TNNI3K: variants seen among roughly 807,000 people sequenced by gnomAD.
The protein encoded by TNNI3K is serine/threonine-protein kinase TNNI3K.
A neutral mutation model predicts 114.5 loss-of-function variants in TNNI3K; 140 were observed. That is an observed-to-expected ratio of 1.22 (90% CI 1.07 to 1.41). The LOEUF (loss-of-function observed/expected upper bound fraction) is 1.41, where lower values mean the gene tolerates loss of function less well. Ranked by LOEUF, TNNI3K falls within the 40% of genes most tolerant of loss-of-function variation. The probability of loss-of-function intolerance (pLI) is 0.00; values close to 1 mark genes in which losing one functional copy is unlikely to be tolerated. For synonymous variants in TNNI3K, 347 were observed against 347.5 expected, an observed-to-expected ratio of 1.00 and a Z score of 0.02; for missense variants, 1,125 against 1,007.6, an observed-to-expected ratio of 1.12 and a Z score of -1.58.
At chr1:74,422,795 A>G (rs755792151) in intron 17 of TNNI3K, among the ~76,000 whole-genome samples, 5 of 152,144 alleles carry the variant, frequency 3.3e-5, no homozygotes, top group Non-Finnish European at 5.9e-5. Context: ...TAGGAACAAA[A>G]TGTTCTTCAG....
At chr1:74,364,266 A>G (rs1445245807) in intron 11 of TNNI3K, among the ~76,000 whole-genome samples, 1 of 151,764 alleles carries the variant, frequency 6.6e-6, no homozygotes, top group African/African-American at 2.4e-5. Context: ...CAGCCCCACA[A>G]AACACTGGGG....
At chr1:74,518,641 G>C (rs1646382985) in intron 23 of TNNI3K, among the ~76,000 whole-genome samples, 1 of 152,092 alleles carries the variant, frequency 6.6e-6, no homozygotes, top group African/African-American at 2.4e-5. Flanking sequence ...CAGTGCAGAG[G>C]CTTCATAATG....
Position 74,436,143 on chromosome 1 carries a change from C to A in TNNI3K, c.1825+11C>A. 2 of 1,610,860 alleles carry A rather than the reference C, an allele frequency of 1.2e-6. No individual in the cohort carries two copies. Among genetic ancestry groups the A allele is most frequent in the Non-Finnish European group, 1.7e-6 (2 of 1,178,662 alleles). On this transcript the variant is annotated intron_variant, in intron 18 of 24. Coordinates refer to ENST00000326637, the MANE Select transcript of TNNI3K (RefSeq NM_015978.3). ...TGGCAGATTTTGGAGGTGAGATACC[C>A]CAAAATGGCATCCTTTTTTTCTTTG...
chr1:74,417,408 T>C (rs1044973110), intron 17 of TNNI3K, among the ~76,000 whole-genome samples: 10 of 152,118 alleles, frequency 6.6e-5, no homozygotes, highest in Non-Finnish European at 2.9e-5. Context: ...CAGATGACTT[T>C]GGCTCAAGAC....
intron 20 of TNNI3K, among the ~76,000 whole-genome samples, chr1:74,462,066 G>A (rs1399596561): frequency 1.3e-5 from 2 of 152,144 alleles, no homozygotes; most frequent in South Asian, 2.1e-4. Flanking sequence ...AGAAATATGT[G>A]AAATATTTTA....
intron 5 of TNNI3K, among the ~76,000 whole-genome samples, chr1:74,276,694 A>G (rs1009818382): frequency 6.6e-6 from 1 of 152,094 alleles, no homozygotes. Context: ...ACAATAGCTG[A>G]TGCTAAGTCT....
At chr1:74,280,325 T>C (rs1656932896) in intron 5 of TNNI3K, among the ~76,000 whole-genome samples, 1 of 151,124 alleles carries the variant, frequency 6.6e-6, no homozygotes, top group Non-Finnish European at 1.5e-5. Context: ...GAGCTTGCAG[T>C]GAGCAGAGAT....
intron 23 of TNNI3K, among the ~76,000 whole-genome samples, chr1:74,500,315 A>G (rs1208406977): frequency 6.6e-6 from 1 of 151,852 alleles, no homozygotes; most frequent in African/African-American, 2.4e-5. Context: ...TTCTAGTATC[A>G]TTTTTCTTTT....
At chr1:74,279,677 G>A (rs568191438) in intron 5 of TNNI3K, among the ~76,000 whole-genome samples, 30 of 152,276 alleles carry the variant, frequency 2.0e-4, no homozygotes, top group African/African-American at 7.0e-4. Context: ...ACTGATTTAA[G>A]TGCTTTAGTA....
chr1:74,475,350 A>G, intron 21 of TNNI3K: 1 of 714,070 alleles, frequency 1.4e-6, no homozygotes. Context: ...CTCCAGGCTC[A>G]AGATTCCATA....
chr1:74,452,833 C>A (rs1667083338), intron 20 of TNNI3K, among the ~76,000 whole-genome samples: 1 of 152,188 alleles, frequency 6.6e-6, no homozygotes, highest in Non-Finnish European at 1.5e-5. Flanking sequence ...TCATCCCAAC[C>A]ACAGGAAACT....
chr1:74,394,639 A>G (rs1346043283), intron 17 of TNNI3K, among the ~76,000 whole-genome samples: 1 of 152,218 alleles, frequency 6.6e-6, no homozygotes, highest in Non-Finnish European at 1.5e-5. Flanking sequence ...TGTCTGTTCT[A>G]TTCAGCCTGC....
At chr1:74,296,143 G>A (rs1416171218) in intron 5 of TNNI3K, among the ~76,000 whole-genome samples, 3 of 151,974 alleles carry the variant, frequency 2.0e-5, no homozygotes, top group Non-Finnish European at 2.9e-5. Flanking sequence ...GGGCGAGGCG[G>A]CGGGCGCCTG....
chr1:74,397,861 T>G (rs1664165568), intron 17 of TNNI3K, among the ~76,000 whole-genome samples: 2 of 152,204 alleles, frequency 1.3e-5, no homozygotes, highest in Non-Finnish European at 2.9e-5. Context: ...AGACCAAACC[T>G]CTGAATTATG....
Position 74,543,954 on chromosome 1 carries a change from A to G in TNNI3K, c.2480A>G (p.Asn827Ser). 6.2e-7 allele frequency: 1 copy of G among 1,613,382 alleles called. No homozygotes were observed. ...MSSMHFHSCRNSSSFEDSS is the reference protein window; with the variant it reads ...MSSMHFHSCRSSSSFEDSS ...TCAATGCATTTTCATTCTTGCCGAA[A>G]TAGTAGCAGCTTTGAGGACAGCAGC... Residue 827 changes from asparagine to serine, a missense_variant, in exon 25 of 25, where the codon AAT becomes AGT. By Grantham distance (46) the Asn-to-Ser change is conservative (BLOSUM62 1). Coordinates refer to ENST00000326637, the MANE Select transcript of TNNI3K (RefSeq NM_015978.3).
At position 74,354,017 on chromosome 1, in the gene TNNI3K, G is replaced by T. The variant is rs775734212; in HGVS notation, c.1065G>T (p.Leu355=). The part of the protein sequence containing the change: ...HSACYHGHIR[L]VQFLLDNGAD... ...CTTGCTACCACGGTCACATTCGCCTGGTTCAGTTCTTACTGGATAATGGAG... is the reference window on the plus strand; with the variant it reads ...CTTGCTACCACGGTCACATTCGCCTTGTTCAGTTCTTACTGGATAATGGAG... Residue 355 remains leucine (L), a synonymous_variant, in exon 11 of 25, where the codon CTG becomes CTT. Transcript: ENST00000326637. 2 of 1,613,942 alleles carry T rather than the reference G, an allele frequency of 1.2e-6. No homozygotes were observed. The highest frequency in any genetic ancestry group is 2.2e-5 in the South Asian group (2 of 91,062).
At chr1:74,452,813 T>C (rs1375994952) in intron 20 of TNNI3K, among the ~76,000 whole-genome samples, 1 of 152,178 alleles carries the variant, frequency 6.6e-6, no homozygotes, top group East Asian at 1.9e-4. Context: ...ATGCAGCCCG[T>C]CATCCAGAGT....
intron 17 of TNNI3K, among the ~76,000 whole-genome samples, chr1:74,382,162 TCA>T (rs1329336736): frequency 6.6e-6 from 1 of 152,214 alleles, no homozygotes; most frequent in Non-Finnish European, 1.5e-5. Context: ...ATTCATCCTA[TCA>T]CACCTTTTTG....
At chr1:74,356,727 A>G (rs565998097) in intron 11 of TNNI3K, among the ~76,000 whole-genome samples, 38 of 152,326 alleles carry the variant, frequency 2.5e-4, no homozygotes, top group Admixed American at 6.5e-4. Context: ...CCACACTTCT[A>G]TGAAACAGTG....
Sources: gnomAD v4.1 joint callset for allele counts (sites outside exome capture counted in the v4.1 genomes callset) on GRCh38, gnomAD v4.1.1 for gene constraint, MANE v1.5 for transcripts, NCBI Gene and HGNC (gene_info 2026-07-23, HGNC 2026-07-21) for gene names.